The following PRKN variants were observed in gnomAD, a reference collection of about 807,000 sequenced individuals.
PRKN encodes the protein parkin RBR E3 ubiquitin protein ligase.
A neutral mutation model predicts 59.5 loss-of-function variants in PRKN; 56 were observed. That is an observed-to-expected ratio of 0.94 (90% CI 0.76 to 1.18). The LOEUF is 1.18. PRKN is among the 50% of genes most tolerant of loss of function. The pLI is 0.00. For synonymous variants in PRKN, 250 were observed against 222.1 expected (o/e 1.13, Z -1.12); for missense variants, 657 against 596.4 (o/e 1.10, Z -1.06).
chr6:161,558,573 A>G (rs186584541), intron 8 of PRKN, among the ~76,000 whole-genome samples: 8 of 152,172 alleles, frequency 5.3e-5, no homozygotes, highest in Admixed American at 2.6e-4. Context: ...AAAAAAAAAA[A>G]AAAGAAAATT....
At chr6:161,741,860 C>T (rs1788201210) in intron 7 of PRKN, among the ~76,000 whole-genome samples, 1 of 152,124 alleles carries the variant, frequency 6.6e-6, no homozygotes, top group Non-Finnish European at 1.5e-5. Flanking sequence ...AGGGCGGGCC[C>T]AGTGGAGATA....
chr6:161,904,205 G>C (rs758026312), intron 6 of PRKN, among the ~76,000 whole-genome samples: 1 of 151,928 alleles, frequency 6.6e-6, no homozygotes, highest in African/African-American at 2.4e-5. Flanking sequence ...CAACAGCTGG[G>C]TCCTGAGGAT....
At chr6:161,676,742 T>G (rs1285284438) in intron 7 of PRKN, among the ~76,000 whole-genome samples, 1 of 152,174 alleles carries the variant, frequency 6.6e-6, no homozygotes, top group Middle Eastern at 3.2e-3. Context: ...TGGCCTGTTT[T>G]GGGGACTTTC....
At chr6:161,616,109 C>T (rs1253457488) in intron 7 of PRKN, among the ~76,000 whole-genome samples, 1 of 152,206 alleles carries the variant, frequency 6.6e-6, no homozygotes, top group Admixed American at 6.5e-5. Context: ...GCTGAACTCT[C>T]GTGTGGCCTG....
chr6:161,789,049 A>G (rs2128207514), intron 6 of PRKN, among the ~76,000 whole-genome samples: 1 of 152,346 alleles, frequency 6.6e-6, no homozygotes, highest in South Asian at 2.1e-4. Context: ...CATTTCACAT[A>G]GAATTATCAG....
chr6:161,772,368 T>C (rs540894081), intron 7 of PRKN, among the ~76,000 whole-genome samples: 5 of 152,306 alleles, frequency 3.3e-5, no homozygotes, highest in Admixed American at 6.5e-5. Context: ...TCACAGACTG[T>C]GTTGCTCAAT....
chr6:161,931,499 T>G (rs1193556250), intron 6 of PRKN, among the ~76,000 whole-genome samples: 2 of 152,122 alleles, frequency 1.3e-5, no homozygotes, highest in African/African-American at 4.8e-5. Flanking sequence ...TGCATCTATA[T>G]CTATCCCTTG....
intron 6 of PRKN, among the ~76,000 whole-genome samples, chr6:161,825,293 T>A (rs1034516171): frequency 6.6e-6 from 1 of 152,204 alleles, no homozygotes; most frequent in East Asian, 1.9e-4. Flanking sequence ...TTTTAAAATT[T>A]ATAATCTGTT....
intron 7 of PRKN, among the ~76,000 whole-genome samples, chr6:161,735,718 C>T (rs1046059030): frequency 6.6e-6 from 1 of 152,042 alleles, no homozygotes; most frequent in Non-Finnish European, 1.5e-5. Context: ...AATTCGAGAC[C>T]AGTCTGGCCA....
chr6:162,623,941 C>T (rs749962807), intron 1 of PRKN, among the ~76,000 whole-genome samples: 1 of 152,012 alleles, frequency 6.6e-6, no homozygotes, highest in Non-Finnish European at 1.5e-5. Context: ...ACAAAGACAC[C>T]GTTTTTCTCA....
chr6:161,948,828 C>G (rs1779877816), intron 6 of PRKN, among the ~76,000 whole-genome samples: 1 of 152,198 alleles, frequency 6.6e-6, no homozygotes, highest in Non-Finnish European at 1.5e-5. Context: ...AAGAAGCTGG[C>G]ATTTCAACAC....
At chr6:162,023,480 C>A (rs995713262) in intron 5 of PRKN, among the ~76,000 whole-genome samples, 1 of 152,196 alleles carries the variant, frequency 6.6e-6, no homozygotes, top group African/African-American at 2.4e-5. Context: ...GGGCTCTCCT[C>A]CGACCGCCCC....
At chr6:161,914,161 C>G (rs567415924) in intron 6 of PRKN, among the ~76,000 whole-genome samples, 1 of 152,250 alleles carries the variant, frequency 6.6e-6, no homozygotes, top group East Asian at 1.9e-4. Context: ...CCTTAACAAC[C>G]TCATTCAATA....
intron 5 of PRKN, among the ~76,000 whole-genome samples, chr6:161,979,611 C>T (rs1168245558): frequency 6.6e-6 from 1 of 152,162 alleles, no homozygotes; most frequent in East Asian, 1.9e-4. Flanking sequence ...GAAAACCCAA[C>T]AAAGTTGTAT....
intron 5 of PRKN, among the ~76,000 whole-genome samples, chr6:162,010,234 T>G (rs1324194552): frequency 4.1e-5 from 5 of 121,184 alleles, no homozygotes; most frequent in African/African-American, 1.5e-4. Flanking sequence ...AATATATATT[T>G]TATATATTTA....
intron 9 of PRKN, among the ~76,000 whole-genome samples, chr6:161,474,059 A>C (rs1790935477): frequency 1.3e-5 from 2 of 152,198 alleles, no homozygotes; most frequent in South Asian, 2.1e-4. Context: ...ATCTGCTACC[A>C]AGAAAAAAAT....
chr6:161,660,858 A>T (rs114806765), intron 7 of PRKN, among the ~76,000 whole-genome samples: 3,335 of 152,138 alleles, frequency 0.022, 105 homozygotes, highest in African/African-American at 0.076. Context: ...TGAATCTCAA[A>T]CTATTGATTT....
chr6:162,207,930 A>G (rs1785022595), intron 3 of PRKN, among the ~76,000 whole-genome samples: 1 of 152,200 alleles, frequency 6.6e-6, no homozygotes, highest in Non-Finnish European at 1.5e-5. Context: ...ATAAAATAGA[A>G]TGCAGCCATG....
intron 1 of PRKN, among the ~76,000 whole-genome samples, chr6:162,446,041 T>G (rs1790302098): frequency 6.6e-6 from 1 of 152,028 alleles, no homozygotes; most frequent in South Asian, 2.1e-4. Flanking sequence ...TCATGAAAAA[T>G]ACTAATTACG....
Sources: gnomAD v4.1 joint callset for allele counts (sites outside exome capture counted in the v4.1 genomes callset) on GRCh38, gnomAD v4.1.1 for gene constraint, MANE v1.5 for transcripts, NCBI Gene and HGNC (gene_info 2026-07-23, HGNC 2026-07-21) for gene names.